The following HERC6 variants were observed in gnomAD, a reference collection of about 807,000 sequenced individuals.
HERC6 encodes probable E3 ubiquitin-protein ligase HERC6.
Under a neutral mutation model 114.5 loss-of-function variants are expected in HERC6, and 101 were observed. The ratio of observed to expected loss-of-function variants is 0.88; its 90% CI spans 0.75 to 1.04. HERC6 has a LOEUF of 1.04. Ranked by LOEUF, HERC6 falls within the 50% of genes least tolerant of loss-of-function variation. The pLI is 0.00. For synonymous variants in HERC6, 408 were observed against 436.2 expected (o/e 0.94, Z 0.81); for missense variants, 1,133 against 1,230.9 (o/e 0.92, Z 1.19).
chr4:88,388,584 A>G (rs1326711113), intron 3 of HERC6, among the ~76,000 whole-genome samples: 1 of 151,024 alleles, frequency 6.6e-6, no homozygotes, highest in African/African-American at 2.4e-5. Context: ...GATTAATAGG[A>G]GAAAAGACAT....
intron 22 of HERC6, chr4:88,440,720 G>C (rs1739262373): frequency 6.6e-6 from 1 of 152,654 alleles, no homozygotes; most frequent in African/African-American, 2.4e-5. Context: ...GAACCCCCAT[G>C]GTGGACATGC....
chr4:88,390,796 T>C lies in HERC6; in HGVS notation c.581T>C (p.Phe194Ser). ...AQVAAGGAHS[F>S]ALSLCGTSFG... Reference sequence around the variant, plus strand: ...GTGGCTGCCGGAGGGGCTCACAGCTTTGCCCTGTCTCTCTGTGGGACTTCG... The same window carrying C: ...GTGGCTGCCGGAGGGGCTCACAGCTCTGCCCTGTCTCTCTGTGGGACTTCG... The change falls in exon 4 of 23, where the codon TTT becomes TCT. Residue 194 changes from phenylalanine (F) to serine (S), a missense_variant. Around this residue, in one of 3 missense-constraint regions of HERC6, gnomAD observed 735 missense variants for 754.0 expected, o/e 0.97. Coordinates refer to ENST00000264346, the MANE Select transcript of HERC6 (RefSeq NM_017912.4). 2 of 1,614,196 alleles carry C rather than the reference T, an allele frequency of 1.2e-6. No homozygotes were observed. The highest frequency in any genetic ancestry group is 2.2e-5 in the South Asian group (2 of 91,086).
chr4:88,422,012 A>G (rs981514790), intron 13 of HERC6, among the ~76,000 whole-genome samples: 1 of 152,170 alleles, frequency 6.6e-6, no homozygotes, highest in Non-Finnish European at 1.5e-5. Context: ...CAAGTCCCTT[A>G]TCGGATATAC....
At chr4:88,422,565 G>C (rs140605752) in intron 13 of HERC6, among the ~76,000 whole-genome samples, 34 of 151,016 alleles carry the variant, frequency 2.3e-4, no homozygotes, top group African/African-American at 6.9e-4. Context: ...GTTTTCAGCT[G>C]TTTTAACTTT....
chr4:88,428,540 G>A (rs1007293449), intron 15 of HERC6, 40 bp from the exon 16 acceptor site: 4 of 1,491,722 alleles, frequency 2.7e-6, no homozygotes, highest in Non-Finnish European at 3.6e-6. Flanking sequence ...ATTCCTATGA[G>A]GTCAAAAGGA....
chr4:88,402,912 G>T (rs929320261), intron 8 of HERC6, among the ~76,000 whole-genome samples: 6 of 152,190 alleles, frequency 3.9e-5, no homozygotes, highest in African/African-American at 1.2e-4. Flanking sequence ...CCAGGACTCA[G>T]ATCAAGAAGC....
At chr4:88,401,219 G>T (rs1735517585) in intron 8 of HERC6, among the ~76,000 whole-genome samples, 1 of 152,132 alleles carries the variant, frequency 6.6e-6, no homozygotes, top group Non-Finnish European at 1.5e-5. Flanking sequence ...AATAGGCCAG[G>T]CATGGTGGCT....
rs1479944645 is a variant in HERC6 at position 88,442,367 on chromosome 4, T to G, written c.2976T>G (p.Pro992=). The G allele has an allele frequency of 6.2e-7, 1 of 1,613,690 alleles. No homozygotes were observed. The highest frequency in any genetic ancestry group is 8.5e-7 in the Non-Finnish European group (1 of 1,179,824). The change falls in exon 23 of 23, where the codon CCT becomes CCG. Residue 992 remains proline (P), a synonymous_variant. Transcript: ENST00000264346. ...CTTGTCATAATATTCTCTCCCTCCC[T>G]AAGTATTCTACAATGGAAAGAATGG... ...SITCHNILSL[P]KYSTMERMEE...
rs1231401127 is a variant in HERC6, at chr4:88,436,933, G to A, written c.2446G>A (p.Ala816Thr). The A allele has an allele frequency of 2.5e-6, 4 of 1,607,548 alleles. No individual in the cohort carries two copies. The highest frequency in any genetic ancestry group is 3.4e-6 in the Non-Finnish European group (4 of 1,176,558). Residue 816 changes from alanine to threonine, a missense_variant, in exon 19 of 23, where the codon GCT (alanine) becomes ACT (threonine). This residue lies in a region of HERC6 where 388 missense variants were observed against 445.9 expected (regional missense o/e 0.87). Transcript: ENST00000264346. ...TTTGCAAGAAGTTCTAGATGATGCT[G>A]CTGATGACATTGGAGATGCGCTCTG... The part of the protein sequence containing the change: ...KSLQEVLDDA[A>T]DDIGDALCIR...
chr4:88,388,664 G>A (rs1002033610), intron 3 of HERC6, among the ~76,000 whole-genome samples: 1 of 152,072 alleles, frequency 6.6e-6, no homozygotes, highest in Admixed American at 6.6e-5. Flanking sequence ...GGGTAGAGAA[G>A]CTTATATACC....
chr4:88,442,543 A>G lies in HERC6; in HGVS notation c.*83A>G, dbSNP rs950199896. 6.9e-6 allele frequency: 7 copies of G among 1,020,508 alleles called. No homozygotes were observed. Among genetic ancestry groups the G allele is most frequent in the Admixed American group, 2.1e-5 (1 of 48,052 alleles). The allele number at this position is 1,020,508 out of a possible 1,614,324, so 63.2% of individuals were successfully genotyped here. On this transcript the variant is annotated 3_prime_UTR_variant, in exon 23 of 23. Coordinates refer to ENST00000264346, the MANE Select transcript of HERC6 (RefSeq NM_017912.4). ...TACACCTAAATAATACAAGAGATTA[A>G]TGAATAGTGGTTAGAAGTAGTTGAG...
intron 19 of HERC6, 142 bp from the exon 20 acceptor site, chr4:88,437,569 G>A (rs1214432720): frequency 1.6e-6 from 1 of 629,410 alleles, no homozygotes; most frequent in Non-Finnish European, 2.8e-6. Flanking sequence ...GTATTTAAAA[G>A]GCTGAACTAC....
At chr4:88,399,616 C>T (rs992775368) in intron 8 of HERC6, 1 of 151,936 alleles carries the variant, frequency 6.6e-6, no homozygotes, top group African/African-American at 2.4e-5. Context: ...AGTAAAAACA[C>T]AAAAACTAGC....
chr4:88,413,395 A>ATCTTTTC, intron 12 of HERC6, 129 bp downstream of exon 12: 1 of 636,144 alleles, frequency 1.6e-6, no homozygotes, highest in Non-Finnish European at 2.7e-6. Context: ...TAAATTATTG[A>ATCTTTTC]AAAGATTAAT....
rs1055570267 is a variant in HERC6, at chr4:88,390,740, G to A, written c.525G>A (p.Val175=). The change falls in exon 4 of 23, where the codon GTG becomes GTA. Residue 175 remains valine (V), a synonymous_variant. Coordinates refer to ENST00000264346, the MANE Select transcript of HERC6 (RefSeq NM_017912.4). ...CCTCCCAAGCCAGCCCGCAGAGGGT[G>A]AGGTCCCTGGAGGGGATCCCACTGG... ...EFPSQASPQR[V]RSLEGIPLAQ... is the part of the protein sequence containing the mutation. The A allele has an allele frequency of 6.2e-7, 1 of 1,614,174 alleles. No individual in the cohort carries two copies. Among genetic ancestry groups the A allele is most frequent in the Non-Finnish European group, 8.5e-7 (1 of 1,180,034 alleles).
At chr4:88,436,872 A>G in intron 18 of HERC6, 33 bp from the exon 19 acceptor site, 1 of 1,473,034 alleles carries the variant, frequency 6.8e-7, no homozygotes, top group East Asian at 2.3e-5. Flanking sequence ...TAAGATCAAT[A>G]AATATAATTT....
intron 12 of HERC6, 134 bp downstream of exon 12, chr4:88,413,400 AT>A (rs2148903935): frequency 1.6e-6 from 1 of 626,668 alleles, no homozygotes; most frequent in African/African-American, 1.9e-5. Flanking sequence ...TATTGAAAAG[AT>A]TAATAATCTA....
chr4:88,403,747 C>T (rs1213178787), intron 8 of HERC6, among the ~76,000 whole-genome samples: 1 of 151,626 alleles, frequency 6.6e-6, no homozygotes, highest in Non-Finnish European at 1.5e-5. Context: ...GAGCAAGACT[C>T]TGTCTCAAAA....
At chr4:88,383,475 C>G in intron 2 of HERC6, 95 bp downstream of exon 2, 1 of 992,362 alleles carries the variant, frequency 1.0e-6, no homozygotes, top group Non-Finnish European at 1.4e-6. Flanking sequence ...ACGACTATGA[C>G]AGGCCAGCTG....
Sources: gnomAD v4.1 joint callset for allele counts (sites outside exome capture counted in the v4.1 genomes callset) on GRCh38, gnomAD v4.1.1 for gene constraint, gnomAD v4.1.1 regional missense constraint, MANE v1.5 for transcripts, NCBI Gene and HGNC (gene_info 2026-07-23, HGNC 2026-07-21) for gene names.